FANCB: variants seen among roughly 807,000 people sequenced by gnomAD.
The protein encoded by FANCB is Fanconi anemia group B protein.
In FANCB, 5 loss-of-function variants were observed where a neutral mutation model predicts 38.9. The ratio of observed to expected loss-of-function variants is 0.13; its 90% confidence interval spans 0.07 to 0.27. FANCB has a LOEUF of 0.27. Among genes scored for constraint, FANCB ranks in the 10% least tolerant of loss-of-function variants. The pLI is 1.00. For synonymous variants in FANCB, 236 were observed against 215.4 expected, an observed-to-expected ratio of 1.10 and a Z score of -0.84; for missense variants, 573 against 602.7, an observed-to-expected ratio of 0.95 and a Z score of 0.52.
chrX:14,732,892 G>A, the FANCB span, among the ~76,000 whole-genome samples: 15 of 111,911 alleles, frequency 1.3e-4, no homozygotes, highest in Admixed American at 3.8e-4. Context: ...ATTAGATCCC[G>A]TTTGTCAATT....
At chrX:14,710,749 C>T in the FANCB span, among the ~76,000 whole-genome samples, 1 of 111,735 alleles carries the variant, frequency 8.9e-6, no homozygotes, top group Non-Finnish European at 1.9e-5. Flanking sequence ...CATAGCTTAT[C>T]AAATACATCT....
the FANCB span, among the ~76,000 whole-genome samples, chrX:14,748,939 T>A: frequency 8.9e-6 from 1 of 111,973 alleles, no homozygotes; most frequent in Non-Finnish European, 1.9e-5. Context: ...TCAGAAAGGC[T>A]GGAGAACCCT....
chrX:14,848,263 C>T (rs553159952), intron 7 of FANCB, among the ~76,000 whole-genome samples: 60 of 112,132 alleles, frequency 5.4e-4, no homozygotes, highest in Non-Finnish European at 8.8e-4. Flanking sequence ...GCCAACAGCG[C>T]GTGATGTGCT....
At chrX:14,727,792 G>C in the FANCB span, among the ~76,000 whole-genome samples, 9 of 111,849 alleles carry the variant, frequency 8.0e-5, no homozygotes, top group African/African-American at 2.9e-4. Flanking sequence ...TCCGATGTTA[G>C]GCTGGATTTT....
chrX:14,843,873 A>G lies in FANCB; in HGVS notation c.2274T>C (p.Asn758=). 2 of 1,208,215 alleles carry G rather than the reference A, an allele frequency of 1.7e-6. No homozygotes were observed. Among genetic ancestry groups the G allele is most frequent in the Non-Finnish European group, 2.2e-6 (2 of 893,243 alleles). ...KSGSENFLID[N]MAFTLEKELV... ...GTTCCTTCTCCAAAGTAAATGCCAT[A>G]TTATCAATTAGGAAATTCTCACTTC... Residue 758 remains asparagine, a synonymous_variant, in exon 10 of 10, where the codon AAT becomes AAC. Transcript: ENST00000650831.
chrX:14,818,906 T>A, the FANCB span, among the ~76,000 whole-genome samples: 1 of 111,711 alleles, frequency 9.0e-6, no homozygotes, highest in Non-Finnish European at 1.9e-5. Flanking sequence ...AACTTAGATA[T>A]GGTAAAATTT....
the FANCB span, among the ~76,000 whole-genome samples, chrX:14,765,015 G>T: frequency 8.9e-6 from 1 of 112,182 alleles, no homozygotes; most frequent in Admixed American, 9.4e-5. Flanking sequence ...TAAACAATGA[G>T]TAATCGTTTA....
the FANCB span, among the ~76,000 whole-genome samples, chrX:14,770,280 T>C: frequency 8.9e-6 from 1 of 111,955 alleles, no homozygotes; most frequent in African/African-American, 3.3e-5. Context: ...AGTCTAAGTC[T>C]CTTTGTAGGT....
the FANCB span, among the ~76,000 whole-genome samples, chrX:14,715,066 C>T: frequency 2.7e-5 from 3 of 112,177 alleles, no homozygotes; most frequent in African/African-American, 9.7e-5. Flanking sequence ...TAAACACATA[C>T]ATAAATGAAA....
chrX:14,763,901 T>G, the FANCB span, among the ~76,000 whole-genome samples: 71 of 111,581 alleles, frequency 6.4e-4, no homozygotes, highest in Middle Eastern at 0.018. Context: ...ATATATCTTT[T>G]CAGGCACATT....
At chrX:14,811,338 C>T in the FANCB span, among the ~76,000 whole-genome samples, 1 of 111,206 alleles carries the variant, frequency 9.0e-6, no homozygotes, top group Admixed American at 9.6e-5. Flanking sequence ...AATGTAAATG[C>T]ACTAAATGCT....
At chrX:14,752,346 C>T in the FANCB span, among the ~76,000 whole-genome samples, 1 of 111,904 alleles carries the variant, frequency 8.9e-6, no homozygotes, top group African/African-American at 3.2e-5. Flanking sequence ...TAACAAAAGG[C>T]CACTAAGATT....
At chrX:14,857,369 G>GT (rs1303688649) in intron 5 of FANCB, among the ~76,000 whole-genome samples, 5 of 111,614 alleles carry the variant, frequency 4.5e-5, no homozygotes, top group Non-Finnish European at 3.8e-5. Context: ...CAATCATTAG[G>GT]TTTTTTTTAT....
chrX:14,701,707 AAC>A, the FANCB span, among the ~76,000 whole-genome samples: 5 of 112,893 alleles, frequency 4.4e-5, no homozygotes, highest in Admixed American at 9.3e-5. Context: ...TTTGCAATAA[AAC>A]AGTTAACTCT....
chrX:14,865,493 T>C lies in FANCB; in HGVS notation c.18A>G (p.Ala6=), dbSNP rs2092465606. The C allele has an allele frequency of 8.4e-7, 1 of 1,192,170 alleles. No homozygotes were observed. The highest frequency in any genetic ancestry group is 1.1e-6 in the Non-Finnish European group (1 of 882,096). The change falls in exon 3 of 10, where the codon GCA becomes GCG. Residue 6 remains alanine (A), a synonymous_variant. Coordinates refer to ENST00000650831, the MANE Select transcript of FANCB (RefSeq NM_001018113.3). ...GCCTTTCTTGTTCGTTAGATGACAT[T>C]GCTTGTTTGCTAGTCATTCCACAAT... MTSKQ[A]MSSNEQERLL...
At chrX:14,703,117 G>A in the FANCB span, among the ~76,000 whole-genome samples, 2 of 111,908 alleles carry the variant, frequency 1.8e-5, no homozygotes, top group Non-Finnish European at 3.8e-5. Flanking sequence ...AAATCTGCTT[G>A]TTTAGGCTAT....
At chrX:14,796,831 C>T in the FANCB span, among the ~76,000 whole-genome samples, 1 of 108,933 alleles carries the variant, frequency 9.2e-6, no homozygotes, top group Non-Finnish European at 1.9e-5. Context: ...TCCAGGAGAG[C>T]CAATGATATA....
downstream of FANCB, chrX:14,834,369 G>A: frequency 3.0e-6 from 1 of 338,848 alleles, no homozygotes. Flanking sequence ...AACACGGAAG[G>A]GAAAGTTCTC....
chrX:14,717,444 T>C, the FANCB span, among the ~76,000 whole-genome samples: 1 of 111,229 alleles, frequency 9.0e-6, no homozygotes, highest in Non-Finnish European at 1.9e-5. Context: ...CATTTTAAAT[T>C]GAAATAATTA....
Sources: allele counts gnomAD v4.1 joint callset (sites outside exome capture counted in the v4.1 genomes callset), GRCh38; gene constraint gnomAD v4.1.1; transcripts MANE v1.5; gene names NCBI Gene and HGNC (gene_info 2026-07-23, HGNC 2026-07-21).